Variants in KCNB2 observed in about 807,000 individuals in gnomAD.
The protein encoded by KCNB2 is delayed rectifier potassium channel protein.
Under a neutral mutation model 61.5 loss-of-function variants are expected in KCNB2, and 15 were observed. The observed-to-expected ratio is 0.24, with a 90% confidence interval of 0.16 to 0.38. KCNB2 has a LOEUF of 0.38. Among genes scored for constraint, KCNB2 ranks in the 10% least tolerant of loss-of-function variants. KCNB2 has a pLI of 1.00. For synonymous variants in KCNB2, 457 were observed against 446.0 expected, an observed-to-expected ratio of 1.02 and a Z score of -0.31; for missense variants, 828 against 1,125.2, an observed-to-expected ratio of 0.74 and a Z score of 3.78.
rs887014723 is a variant in KCNB2, at chr8:72,537,472, G to A, written c.-507G>A. On this transcript the variant is annotated 5_prime_UTR_variant, in exon 1 of 3. Transcript: ENST00000523207. The stretch of plus-strand genomic sequence containing the variant: ...CTCGCTTTCTGGCTCCTTCCGCGCG[G>A]CGAGCTCAGCCCCGCTCGATTTTTC... 1 of 152,452 alleles carries A rather than the reference G, an allele frequency of 6.6e-6. No individual in the cohort carries two copies. The highest frequency in any genetic ancestry group is 6.5e-5 in the Admixed American group (1 of 15,282). The allele number at this position is 152,452 out of a possible 1,614,324, so 9.4% of individuals were successfully genotyped here.
rs546543202 is a variant in KCNB2, at chr8:72,681,633, C to G, written c.579+113320C>G. Reference sequence around the variant, plus strand: ...AATAAGAATAAAAAGTATAGTATAACAAATACATAAACCGGTAACATAGTC... The same window carrying G: ...AATAAGAATAAAAAGTATAGTATAAGAAATACATAAACCGGTAACATAGTC... On this transcript the variant is annotated intron_variant, in intron 2 of 2. Coordinates refer to ENST00000523207, the MANE Select transcript of KCNB2 (RefSeq NM_004770.3). Among the ~76,000 whole-genome samples the G allele has an allele frequency of 2.0e-5, 3 of 152,286 alleles. No individual in the cohort carries two copies. The East Asian group carries it at 5.8e-4, about 29-fold the overall frequency.
intron 1 of KCNB2, among the ~76,000 whole-genome samples, chr8:72,552,212 C>A (rs375176619): frequency 9.2e-5 from 14 of 152,288 alleles, no homozygotes; most frequent in African/African-American, 3.1e-4. Flanking sequence ...AAAACATGTT[C>A]TTCCAACAGA....
At chr8:72,803,925 A>G (rs1384976537) in intron 2 of KCNB2, among the ~76,000 whole-genome samples, 1 of 152,192 alleles carries the variant, frequency 6.6e-6, no homozygotes, top group Admixed American at 6.5e-5. Context: ...AGAGAAGTGT[A>G]TCTGTGCAGG....
rs150697332 is a variant in KCNB2, at chr8:72,612,289, A to C, written c.579+43976A>C. On this transcript the variant is annotated intron_variant, in intron 2 of 2. Transcript: ENST00000523207. ...ATTGAACAATGCAGTGTTCTCAGTG[A>C]AGAGTGACATTTAACCTGTCCACAA... Among the ~76,000 whole-genome samples, 972 of 152,308 alleles carry C rather than the reference A, an allele frequency of 6.4e-3. 5 individuals carry two copies. The highest frequency in any genetic ancestry group is 7.1e-3 in the Non-Finnish European group (486 of 68,016).
chr8:72,634,350 C>T (rs1200977293), intron 2 of KCNB2, among the ~76,000 whole-genome samples: 2 of 152,112 alleles, frequency 1.3e-5, no homozygotes, highest in Non-Finnish European at 2.9e-5. Context: ...GCTCATGAAT[C>T]GCCTAAGATC....
In KCNB2 at chr8:72,776,588, G is replaced by T. The variant is rs73686510; in HGVS notation, c.580-159347G>T. The stretch of plus-strand genomic sequence containing the variant: ...ATTTCTTGTTCACAGCATCTTATTT[G>T]TGTTTCTATGATTGCTGCTAACAAG... On this transcript the variant is annotated intron_variant, in intron 2 of 2. Coordinates refer to ENST00000523207, the MANE Select transcript of KCNB2 (RefSeq NM_004770.3). Among the ~76,000 whole-genome samples the T allele has an allele frequency of 4.9e-3, 749 of 152,232 alleles. 7 individuals are homozygous for T. The highest frequency in any genetic ancestry group is 0.017 in the African/African-American group (712 of 41,526).
chr8:72,556,565 T>C (rs928811309), intron 1 of KCNB2, among the ~76,000 whole-genome samples: 2 of 152,142 alleles, frequency 1.3e-5, no homozygotes, highest in African/African-American at 4.8e-5. Flanking sequence ...TAATAATGAA[T>C]AGAAATAATA....
chr8:72,797,767 A>G (rs901815124), intron 2 of KCNB2, among the ~76,000 whole-genome samples: 2 of 152,180 alleles, frequency 1.3e-5, no homozygotes, highest in Non-Finnish European at 2.9e-5. Flanking sequence ...CTGTGAATAC[A>G]TGACAACTCC....
intron 2 of KCNB2, among the ~76,000 whole-genome samples, chr8:72,757,358 A>AG (rs1808305930): frequency 6.6e-6 from 1 of 152,216 alleles, no homozygotes; most frequent in Non-Finnish European, 1.5e-5. Context: ...AAAGGGAGAC[A>AG]GCAAATACAG....
At chr8:72,602,703 C>T (rs1477910557) in intron 2 of KCNB2, among the ~76,000 whole-genome samples, 1 of 152,090 alleles carries the variant, frequency 6.6e-6, no homozygotes, top group Non-Finnish European at 1.5e-5. Flanking sequence ...TTTCAGTTGA[C>T]TTTCCACTGA....
intron 2 of KCNB2, among the ~76,000 whole-genome samples, chr8:72,890,036 C>T (rs147093083): frequency 4.7e-3 from 716 of 152,252 alleles, no homozygotes; most frequent in Middle Eastern, 0.014. Flanking sequence ...CGTGAGCCAA[C>T]ATGCACGGCC....
At chr8:72,913,520 G>A (rs1806337757) in intron 2 of KCNB2, among the ~76,000 whole-genome samples, 1 of 152,160 alleles carries the variant, frequency 6.6e-6, no homozygotes, top group Non-Finnish European at 1.5e-5. Flanking sequence ...CTTGGGTGAG[G>A]CAAATACCAG....
chr8:72,658,343 C>G (rs1307018214), intron 2 of KCNB2, among the ~76,000 whole-genome samples: 1 of 152,186 alleles, frequency 6.6e-6, no homozygotes, highest in African/African-American at 2.4e-5. Context: ...TTTCCTTATG[C>G]TAAAGCCTAA....
In KCNB2 at chr8:72,806,215, G is replaced by A. The variant is rs189974801; in HGVS notation, c.580-129720G>A. ...TCTACTAAAAACACAAAAATTAGCC[G>A]GGCATGGTGGTGCGTGCCTGTAATC... On this transcript the variant is annotated intron_variant, in intron 2 of 2. Coordinates refer to ENST00000523207, the MANE Select transcript of KCNB2 (RefSeq NM_004770.3). Among the ~76,000 whole-genome samples, 345 of 151,866 alleles carry A rather than the reference G, an allele frequency of 2.3e-3. 2 individuals are homozygous for A. Among genetic ancestry groups the A allele is most frequent in the African/African-American group, 7.9e-3 (328 of 41,450 alleles).
At chr8:72,735,072 C>A (rs1807817725) in intron 2 of KCNB2, among the ~76,000 whole-genome samples, 1 of 152,130 alleles carries the variant, frequency 6.6e-6, no homozygotes. Context: ...GTCTCCTTGT[C>A]ACAATCTTCC....
intron 2 of KCNB2, among the ~76,000 whole-genome samples, chr8:72,828,629 T>A (rs1809639001): frequency 6.6e-6 from 1 of 152,224 alleles, no homozygotes; most frequent in Admixed American, 6.5e-5. Flanking sequence ...TTTGAAAGGA[T>A]TGAAAGATTT....
At chr8:72,580,646 C>G (rs1201694807) in intron 2 of KCNB2, among the ~76,000 whole-genome samples, 1 of 152,138 alleles carries the variant, frequency 6.6e-6, no homozygotes, top group Non-Finnish European at 1.5e-5. Context: ...TATTTACAAC[C>G]ATGGAGCCCC....
chr8:72,905,555 G>A (rs918133065), intron 2 of KCNB2, among the ~76,000 whole-genome samples: 2 of 151,958 alleles, frequency 1.3e-5, no homozygotes, highest in African/African-American at 4.8e-5. Context: ...TGGCACTTAA[G>A]CAGGGTGGAG....
chr8:72,782,007 G>A (rs1179538102), intron 2 of KCNB2, among the ~76,000 whole-genome samples: 1 of 152,172 alleles, frequency 6.6e-6, no homozygotes, highest in Non-Finnish European at 1.5e-5. Context: ...AATCCATGCA[G>A]GGCTTGATAC....
Sources: gnomAD v4.1 joint callset for allele counts (sites outside exome capture counted in the v4.1 genomes callset) on GRCh38, gnomAD v4.1.1 for gene constraint, MANE v1.5 for transcripts, NCBI Gene and HGNC (gene_info 2026-07-23, HGNC 2026-07-21) for gene names.